FER: variants seen among roughly 807,000 people sequenced by gnomAD.
The protein encoded by FER is FER tyrosine kinase.
FER carries 63 observed loss-of-function variants against 111.0 expected under a neutral mutation model. The ratio of observed to expected loss-of-function variants is 0.57; its 90% confidence interval spans 0.46 to 0.70. FER has a LOEUF of 0.70. Among genes scored for constraint, FER ranks in the 30% least tolerant of loss-of-function variants. The pLI is 0.00. For missense variants in FER, 914 were observed against 954.0 expected (o/e 0.96, Z 0.55); for synonymous variants, 327 against 313.9 (o/e 1.04, Z -0.44).
chr5:108,803,867 T>C (rs1756930321), intron 3 of FER, among the ~76,000 whole-genome samples: 1 of 152,130 alleles, frequency 6.6e-6, no homozygotes, highest in South Asian at 2.1e-4. Context: ...CCCAGTTCTG[T>C]GAGAAATGAC....
At chr5:109,166,040 C>T (rs1165413845) in intron 17 of FER, among the ~76,000 whole-genome samples, 1 of 152,012 alleles carries the variant, frequency 6.6e-6, no homozygotes, top group Non-Finnish European at 1.5e-5. Flanking sequence ...GTTGTTTCAG[C>T]AATGCTTCTC....
At chr5:108,919,056 G>A (rs1053913279) in intron 10 of FER, among the ~76,000 whole-genome samples, 4 of 152,206 alleles carry the variant, frequency 2.6e-5, no homozygotes, top group African/African-American at 9.6e-5. Flanking sequence ...GTTTATATTT[G>A]TGAAATTATA....
intron 13 of FER, among the ~76,000 whole-genome samples, chr5:108,972,076 C>T (rs1162623589): frequency 6.6e-6 from 1 of 151,590 alleles, no homozygotes. Flanking sequence ...TAATGTTTTG[C>T]TTTTTAGATT....
intron 18 of FER, among the ~76,000 whole-genome samples, chr5:109,185,698 A>G (rs893181157): frequency 6.6e-6 from 1 of 152,154 alleles, no homozygotes; most frequent in African/African-American, 2.4e-5. Context: ...TATTTATTTA[A>G]TTGGTAATAT....
At chr5:108,920,539 T>A (rs546101788) in intron 10 of FER, among the ~76,000 whole-genome samples, 44 of 152,262 alleles carry the variant, frequency 2.9e-4, no homozygotes, top group African/African-American at 9.9e-4. Context: ...TTCAGTCAAT[T>A]GCTTAAGTCC....
intron 17 of FER, among the ~76,000 whole-genome samples, chr5:109,124,944 G>T (rs1166418726): frequency 6.6e-6 from 1 of 151,152 alleles, no homozygotes; most frequent in Non-Finnish European, 1.5e-5. Flanking sequence ...TACTCGGGAG[G>T]CTGAGGCAGG....
Position 108,872,198 on chromosome 5 carries a change from A to C in FER, c.909A>C (p.Glu303Asp). The C allele has an allele frequency of 6.2e-7, 1 of 1,606,016 alleles. No individual in the cohort carries two copies. The highest frequency in any genetic ancestry group is 8.5e-7 in the Non-Finnish European group (1 of 1,176,926). Residue 303 changes from glutamate to aspartate, a missense_variant, in exon 8 of 20, where the codon GAA (glutamate) becomes GAC (aspartate). Glu to Asp is a conservative substitution (Grantham distance 45). Transcript: ENST00000281092. Reference protein sequence around the residue: ...NEIMWNNLTAESLQVMLKTLA... With the variant: ...NEIMWNNLTADSLQVMLKTLA... ...TCATGTGGAATAACTTAACAGCAGAAAGTTTGCAAGTAATGTAAGTATTCA... is the reference window on the plus strand; with the variant it reads ...TCATGTGGAATAACTTAACAGCAGACAGTTTGCAAGTAATGTAAGTATTCA...
intron 17 of FER, among the ~76,000 whole-genome samples, chr5:109,179,667 T>TTG (rs1274135268): frequency 1.3e-5 from 2 of 152,204 alleles, no homozygotes; most frequent in Non-Finnish European, 2.9e-5. Flanking sequence ...ACAAACTTCC[T>TTG]TGTCATCATT....
At chr5:108,834,942 CTCTT>C (rs1316509399) in intron 4 of FER, among the ~76,000 whole-genome samples, 1 of 152,088 alleles carries the variant, frequency 6.6e-6, no homozygotes, top group East Asian at 1.9e-4. Context: ...TTGATGCTTT[CTCTT>C]TCTTAATCTT....
chr5:108,807,855 C>T (rs960541441), intron 3 of FER, among the ~76,000 whole-genome samples: 6 of 151,866 alleles, frequency 4.0e-5, no homozygotes, highest in African/African-American at 1.2e-4. Context: ...TTGATTTCTG[C>T]CTTAATTTCA....
At chr5:109,023,715 G>A (rs1388572871) in intron 13 of FER, among the ~76,000 whole-genome samples, 1 of 151,630 alleles carries the variant, frequency 6.6e-6, no homozygotes, top group Non-Finnish European at 1.5e-5. Context: ...TCATGAAGAG[G>A]GACATTGTTT....
chr5:109,043,417 C>T (rs1405090105), intron 14 of FER, among the ~76,000 whole-genome samples: 2 of 151,978 alleles, frequency 1.3e-5, no homozygotes, highest in African/African-American at 4.8e-5. Context: ...TTTATGAAAA[C>T]ATGATTGATC....
chr5:108,925,083 C>A (rs1753553288), intron 10 of FER, among the ~76,000 whole-genome samples: 1 of 151,488 alleles, frequency 6.6e-6, no homozygotes, highest in Admixed American at 6.6e-5. Context: ...TATTTCAATA[C>A]ATGGAAGGTA....
chr5:108,884,211 T>C (rs1224638778), intron 9 of FER, among the ~76,000 whole-genome samples: 2 of 152,042 alleles, frequency 1.3e-5, no homozygotes, highest in Non-Finnish European at 2.9e-5. Flanking sequence ...CTCTCACATA[T>C]TCTTTGATTT....
Position 109,090,848 on chromosome 5 carries a change from G to C in FER, c.1925-9548G>C, listed in dbSNP as rs190488244. 3.4e-3 allele frequency among the ~76,000 whole-genome samples: 517 copies of C among 152,160 alleles called. 3 individuals are homozygous for C. The highest frequency in any genetic ancestry group is 0.012 in the African/African-American group (497 of 41,528). ...GTGAAGAAAACCTAAGGGACTTATG[G>C]GACACCATCACATGGACCAATATAC... is the stretch of plus-strand genomic sequence containing the variant. On this transcript the variant is annotated intron_variant, in intron 16 of 19. Coordinates refer to ENST00000281092, the MANE Select transcript of FER (RefSeq NM_005246.4).
chr5:109,096,549 C>T (rs1202185303), intron 16 of FER, among the ~76,000 whole-genome samples: 1 of 151,858 alleles, frequency 6.6e-6, no homozygotes, highest in African/African-American at 2.4e-5. Flanking sequence ...CCAATCTTCA[C>T]GATATTATGT....
chr5:108,845,036 A>G (rs1761835867), intron 5 of FER, among the ~76,000 whole-genome samples: 1 of 56,580 alleles, frequency 1.8e-5, no homozygotes, highest in African/African-American at 6.2e-5. Flanking sequence ...ATATATATAT[A>G]TATACATATA....
chr5:108,891,012 C>T (rs1345766741), intron 9 of FER, among the ~76,000 whole-genome samples: 1 of 152,054 alleles, frequency 6.6e-6, no homozygotes, highest in Non-Finnish European at 1.5e-5. Flanking sequence ...AGTTTTTTCT[C>T]ATCCTTGCCA....
intron 14 of FER, among the ~76,000 whole-genome samples, chr5:109,042,887 T>G (rs1323300393): frequency 6.6e-6 from 1 of 152,110 alleles, no homozygotes; most frequent in Admixed American, 6.6e-5. Context: ...TGGAGCTATA[T>G]AGAGGCCAAG....
Sources: allele counts gnomAD v4.1 joint callset (sites outside exome capture counted in the v4.1 genomes callset), GRCh38; gene constraint gnomAD v4.1.1; transcripts MANE v1.5; gene names NCBI Gene and HGNC (gene_info 2026-07-23, HGNC 2026-07-21).